The following DCC variants were observed in gnomAD, a reference collection of about 807,000 sequenced individuals.
DCC encodes the protein netrin receptor DCC.
A neutral mutation model predicts 172.5 loss-of-function variants in DCC; 58 were observed. The ratio of observed to expected loss-of-function variants is 0.34; its 90% CI spans 0.27 to 0.42. The LOEUF is 0.42. Among genes scored for constraint, DCC ranks in the 10% least tolerant of loss-of-function variants. The probability of loss-of-function intolerance (pLI) is 1.00; values close to 1 mark genes in which losing one functional copy is unlikely to be tolerated. For synonymous variants in DCC, 709 were observed against 644.5 expected (o/e 1.10, Z -1.52); for missense variants, 1,740 against 1,791.0 (o/e 0.97, Z 0.51).
chr18:52,722,628 C>T (rs2036489926), intron 1 of DCC, among the ~76,000 whole-genome samples: 1 of 152,112 alleles, frequency 6.6e-6, no homozygotes, highest in South Asian at 2.1e-4. Context: ...GCGGTTTTTG[C>T]AATAATAAAT....
chr18:52,737,653 G>A (rs539040051), intron 1 of DCC, among the ~76,000 whole-genome samples: 1 of 152,208 alleles, frequency 6.6e-6, no homozygotes, highest in East Asian at 1.9e-4. Context: ...GTGAAGACAG[G>A]GACAAGGAGG....
chr18:52,565,095 G>A (rs1444582254), intron 1 of DCC, among the ~76,000 whole-genome samples: 3 of 152,200 alleles, frequency 2.0e-5, no homozygotes, highest in Non-Finnish European at 4.4e-5. Flanking sequence ...TGCAGTGTAA[G>A]ACTTCTCTTC....
At chr18:52,402,459 C>G (rs919302048) in intron 1 of DCC, among the ~76,000 whole-genome samples, 3 of 151,920 alleles carry the variant, frequency 2.0e-5, no homozygotes, top group African/African-American at 7.2e-5. Flanking sequence ...CTATTTTCTC[C>G]ATCCTTTAAG....
intron 12 of DCC, among the ~76,000 whole-genome samples, chr18:53,302,061 A>G: frequency 6.6e-6 from 1 of 152,146 alleles, no homozygotes; most frequent in East Asian, 1.9e-4. Context: ...TTGTGTCTTC[A>G]CGTGGTTTTT....
intron 1 of DCC, among the ~76,000 whole-genome samples, chr18:52,399,977 C>T (rs977284383): frequency 3.3e-5 from 5 of 151,922 alleles, no homozygotes; most frequent in African/African-American, 1.2e-4. Flanking sequence ...GTGACTACCT[C>T]TTAGAAAATT....
intron 14 of DCC, among the ~76,000 whole-genome samples, chr18:53,324,178 A>T (rs531213331): frequency 4.6e-5 from 7 of 152,314 alleles, no homozygotes; most frequent in East Asian, 3.9e-4. Flanking sequence ...ATAGGAGTTT[A>T]AAAAAAGTAA....
In DCC at chr18:53,391,528, A is replaced by C. The variant is rs983012649; in HGVS notation, c.2456-127A>C. 3.0e-5 allele frequency: 21 copies of C among 706,052 alleles called. 1 individual carries two copies. The highest frequency in any genetic ancestry group is 4.9e-5 in the Non-Finnish European group (19 of 386,366). The allele number at this position is 706,052 out of a possible 1,614,324, so 43.7% of individuals were successfully genotyped here. The stretch of plus-strand genomic sequence containing the variant: ...AATTACATTTTTTTCTGTTCTTCTC[A>C]TGTTCCCTTTCATCATTATTGCCAT... On this transcript the variant is annotated intron_variant, in intron 16 of 28. Coordinates refer to ENST00000442544, the MANE Select transcript of DCC (RefSeq NM_005215.4).
intron 13 of DCC, 62 bp from the exon 14 acceptor site, chr18:53,321,984 AC>A: frequency 1.1e-5 from 10 of 888,910 alleles, no homozygotes; most frequent in Non-Finnish European, 1.9e-5. Context: ...GCTTTTGGAA[AC>A]CCAGGTAGGA....
At chr18:53,254,282 A>C (rs1385365865) in intron 12 of DCC, among the ~76,000 whole-genome samples, 1 of 152,040 alleles carries the variant, frequency 6.6e-6, no homozygotes, top group Non-Finnish European at 1.5e-5. Flanking sequence ...CACTCAGCAC[A>C]CTTGAAAGAA....
intron 1 of DCC, among the ~76,000 whole-genome samples, chr18:52,598,032 T>C (rs1396124559): frequency 6.6e-6 from 1 of 152,198 alleles, no homozygotes; most frequent in Non-Finnish European, 1.5e-5. Context: ...TTAGGCAGTA[T>C]AACGTTGGAA....
intron 5 of DCC, among the ~76,000 whole-genome samples, chr18:52,934,564 AT>A (rs1411914001): frequency 6.6e-6 from 1 of 152,142 alleles, no homozygotes; most frequent in Non-Finnish European, 1.5e-5. Flanking sequence ...TCCTATCGAA[AT>A]GTTTTGTAAG....
chr18:52,858,071 ATTG>A (rs1281550868), intron 2 of DCC, among the ~76,000 whole-genome samples: 2 of 152,158 alleles, frequency 1.3e-5, no homozygotes, highest in Admixed American at 1.3e-4. Context: ...CAAAACAATT[ATTG>A]TTGTTTTCCA....
intron 1 of DCC, among the ~76,000 whole-genome samples, chr18:52,481,938 A>G (rs2144584262): frequency 6.6e-6 from 1 of 152,216 alleles, no homozygotes; most frequent in South Asian, 2.1e-4. Context: ...AATTATTATA[A>G]AATGTATTGT....
intron 1 of DCC, among the ~76,000 whole-genome samples, chr18:52,748,120 C>A: frequency 6.6e-6 from 1 of 152,152 alleles, no homozygotes; most frequent in East Asian, 1.9e-4. Flanking sequence ...AGTGCGGAAT[C>A]CAGCCACCAC....
At chr18:52,457,241 G>C (rs948997537) in intron 1 of DCC, among the ~76,000 whole-genome samples, 3 of 152,162 alleles carry the variant, frequency 2.0e-5, no homozygotes, top group Non-Finnish European at 4.4e-5. Flanking sequence ...TAGAGAAATA[G>C]AGAAATCACA....
intron 12 of DCC, chr18:53,236,980 A>G (rs1199237002): frequency 6.6e-6 from 1 of 151,972 alleles, no homozygotes; most frequent in Non-Finnish European, 1.5e-5. Context: ...ATATCTTTAT[A>G]GCTCATCTTG....
chr18:53,189,324 A>G (rs1404735030), intron 9 of DCC, among the ~76,000 whole-genome samples: 2 of 152,100 alleles, frequency 1.3e-5, no homozygotes, highest in Non-Finnish European at 2.9e-5. Flanking sequence ...GGATTTTATC[A>G]ATTGAAGGTC....
At chr18:52,778,196 A>G (rs557965234) in intron 2 of DCC, among the ~76,000 whole-genome samples, 3 of 152,294 alleles carry the variant, frequency 2.0e-5, no homozygotes, top group African/African-American at 7.2e-5. Context: ...CTGCAAGTAA[A>G]GTTTTAAAAG....
chr18:52,861,344 C>T (rs933566784), intron 2 of DCC, among the ~76,000 whole-genome samples: 2 of 152,148 alleles, frequency 1.3e-5, no homozygotes, highest in South Asian at 4.1e-4. Context: ...GCAGTCTGGT[C>T]GTATCTGAAA....
Sources: gnomAD v4.1 joint callset for allele counts (sites outside exome capture counted in the v4.1 genomes callset) on GRCh38, gnomAD v4.1.1 for gene constraint, MANE v1.5 for transcripts, NCBI Gene and HGNC (gene_info 2026-07-23, HGNC 2026-07-21) for gene names.